ANKRD42: variants seen among roughly 807,000 people sequenced by gnomAD.
The protein encoded by ANKRD42 is ankyrin repeat domain 42, also known as ankyrin repeat domain-containing protein 42.
ANKRD42 carries 43 observed loss-of-function variants against 51.5 expected under a neutral mutation model. The ratio of observed to expected loss-of-function variants is 0.83; its 90% confidence interval spans 0.65 to 1.08. The LOEUF is 1.08. ANKRD42 is among the 50% of genes least tolerant of loss of function. The pLI, the probability that ANKRD42 is intolerant of heterozygous loss-of-function variation, is 0.00. For missense variants in ANKRD42, 608 were observed against 629.3 expected (o/e 0.97, Z 0.36); for synonymous variants, 203 against 213.0 (o/e 0.95, Z 0.41).
At chr11:83,218,162 C>G (rs1050122040) in intron 5 of ANKRD42, among the ~76,000 whole-genome samples, 2 of 152,186 alleles carry the variant, frequency 1.3e-5, no homozygotes, top group Admixed American at 1.3e-4. Context: ...GGGTTTTCCT[C>G]TTTCTTACTG....
chr11:83,215,287 CTCTTTT>C (rs1270501131), intron 5 of ANKRD42: 2 of 151,800 alleles, frequency 1.3e-5, no homozygotes, highest in African/African-American at 4.8e-5. Flanking sequence ...AATATAGCTA[CTCTTTT>C]TCTTTTTTTT....
At chr11:83,255,990 A>T (rs926357056) in exon 12 of ANKRD42, 1 of 1,290,254 alleles carries the variant, frequency 7.8e-7, no homozygotes, top group African/African-American at 1.5e-5. Flanking sequence ...AAAAAAATTG[A>T]TATAAATGTG....
chr11:83,226,823 A>T (rs189762523), intron 6 of ANKRD42, among the ~76,000 whole-genome samples: 1 of 152,118 alleles, frequency 6.6e-6, no homozygotes, highest in East Asian at 1.9e-4. Flanking sequence ...ACAAAACAAA[A>T]CAGTATGACA....
Position 83,248,941 on chromosome 11 carries a change from T to A in ANKRD42, c.*737T>A, listed in dbSNP as rs1273149834. The A allele has an allele frequency of 2.0e-6, 2 of 983,022 alleles. No individual in the cohort carries two copies. Among genetic ancestry groups the A allele is most frequent in the Admixed American group, 6.1e-5 (1 of 16,278 alleles). 60.9% of individuals were successfully genotyped at this position (983,022 alleles called of 1,614,324 possible). A position where few individuals can be genotyped will look rare whatever the true frequency, so the allele number is the denominator to read the frequency against. On this transcript the variant is annotated 3_prime_UTR_variant, in exon 11 of 11. Coordinates refer to ENST00000533342, the MANE Select transcript of ANKRD42 (RefSeq NM_001300975.2). The stretch of plus-strand genomic sequence containing the variant: ...TTTTGGTGTCTCACCAGTGGTTGAT[T>A]TTCCAAGAAATATAATTAACTATAA...
intron 8 of ANKRD42, among the ~76,000 whole-genome samples, chr11:83,239,085 C>G (rs907734595): frequency 6.6e-6 from 1 of 152,062 alleles, no homozygotes; most frequent in African/African-American, 2.4e-5. Flanking sequence ...TTGGTATTGT[C>G]AGGGTCTTTT....
chr11:83,198,338 A>G, intron 1 of ANKRD42, 141 bp from the exon 2 acceptor site: 1 of 813,962 alleles, frequency 1.2e-6, no homozygotes, highest in Non-Finnish European at 1.9e-6. Context: ...AGTCTGTTTA[A>G]GATATTAATG....
downstream of ANKRD42, chr11:83,262,077 A>G (rs1863959418): frequency 1.5e-6 from 1 of 677,484 alleles, no homozygotes; most frequent in African/African-American, 1.9e-5. Context: ...AATCCAACCA[A>G]TTTTCTATCC....
intron 2 of ANKRD42, among the ~76,000 whole-genome samples, chr11:83,202,685 C>T (rs572309255): frequency 3.9e-5 from 6 of 152,264 alleles, no homozygotes; most frequent in Admixed American, 1.3e-4. Context: ...TCTGTTTTCC[C>T]CCTCAATATC....
downstream of ANKRD42, among the ~76,000 whole-genome samples, chr11:83,256,716 T>G (rs567097946): frequency 6.6e-6 from 1 of 152,320 alleles, no homozygotes; most frequent in South Asian, 2.1e-4. Flanking sequence ...TTTGGACCCT[T>G]GCATATACTT....
intron 3 of ANKRD42, chr11:83,209,716 GT>G (rs1862231170): frequency 1.4e-6 from 1 of 698,520 alleles, no homozygotes; most frequent in Non-Finnish European, 2.6e-6. Flanking sequence ...AACATTTTTT[GT>G]TGCCTTCTTG....
chr11:83,228,240 T>C (rs1484079157), intron 7 of ANKRD42, among the ~76,000 whole-genome samples: 15,028 of 68,210 alleles, frequency 0.22, 3,115 homozygotes, highest in African/African-American at 0.24. Context: ...TCTTTTTTTT[T>C]TTTTTTTTTT....
intron 9 of ANKRD42, among the ~76,000 whole-genome samples, chr11:83,241,702 A>AT: frequency 6.6e-6 from 1 of 151,972 alleles, no homozygotes; most frequent in Non-Finnish European, 1.5e-5. Flanking sequence ...TTATTTGTTC[A>AT]TTTTTCCCCT....
downstream of ANKRD42, chr11:83,261,455 C>G (rs1035822633): frequency 6.6e-6 from 1 of 152,266 alleles, no homozygotes; most frequent in Non-Finnish European, 1.5e-5. Flanking sequence ...ACCCACACAA[C>G]TTTGTTGTAA....
At chr11:83,234,076 A>G (rs1863159498) in intron 7 of ANKRD42, among the ~76,000 whole-genome samples, 2 of 152,098 alleles carry the variant, frequency 1.3e-5, no homozygotes, top group South Asian at 2.1e-4. Flanking sequence ...GCTCTATCTC[A>G]TAGGTTTTTG....
Position 83,245,520 on chromosome 11 carries a change from A to G in ANKRD42, c.1218A>G (p.Val406=), listed in dbSNP as rs1863518092. 1 of 1,536,452 alleles carries G rather than the reference A, an allele frequency of 6.5e-7. No homozygotes were observed. The highest frequency in any genetic ancestry group is 8.7e-7 in the Non-Finnish European group (1 of 1,146,976). Reference sequence around the variant, plus strand: ...CAGTGAGAGCTTACAAGAAAATTGTAGAATTGAGACACCTCCTGGAAATTG... The same window carrying G: ...CAGTGAGAGCTTACAAGAAAATTGTGGAATTGAGACACCTCCTGGAAATTG... ...DARMRAYKKI[V]ELRHLLEIAE... The change falls in exon 10 of 11, where the codon GTA becomes GTG. Residue 406 remains valine, a synonymous_variant. Coordinates refer to ENST00000533342, the MANE Select transcript of ANKRD42 (RefSeq NM_001300975.2).
intron 7 of ANKRD42, among the ~76,000 whole-genome samples, chr11:83,234,355 ATTC>A (rs1230163222): frequency 6.6e-6 from 1 of 152,096 alleles, no homozygotes; most frequent in African/African-American, 2.4e-5. Flanking sequence ...TTATTGAGGC[ATTC>A]TTTTTAGTTA....
At chr11:83,195,205 T>C (rs145110162) in intron 1 of ANKRD42, among the ~76,000 whole-genome samples, 10 of 152,356 alleles carry the variant, frequency 6.6e-5, no homozygotes, top group African/African-American at 1.7e-4. Flanking sequence ...GTGACTTCAG[T>C]CCTACTGGTG....
At chr11:83,245,375 C>T (rs1863512480) in intron 9 of ANKRD42, 123 bp from the exon 10 acceptor site, 3 of 1,019,090 alleles carry the variant, frequency 2.9e-6, no homozygotes, top group Middle Eastern at 2.1e-4. Context: ...CCTTCCTCCA[C>T]CCCCCTCTCC....
chr11:83,206,961 A>T (rs1423191504), intron 3 of ANKRD42, among the ~76,000 whole-genome samples: 1 of 152,246 alleles, frequency 6.6e-6, no homozygotes, highest in African/African-American at 2.4e-5. Context: ...AGCTGGTATT[A>T]GTCCATTCTC....
Sources: allele counts gnomAD v4.1 joint callset (sites outside exome capture counted in the v4.1 genomes callset), GRCh38; gene constraint gnomAD v4.1.1; transcripts MANE v1.5; gene names NCBI Gene and HGNC (gene_info 2026-07-23, HGNC 2026-07-21).